The following GRIP1 variants were observed in gnomAD, a reference collection of about 807,000 sequenced individuals.
GRIP1 encodes the protein glutamate receptor interacting protein 1.
Under a neutral mutation model 129.9 loss-of-function variants are expected in GRIP1, and 45 were observed. That is an observed-to-expected ratio of 0.35 (90% CI 0.27 to 0.44). The LOEUF is 0.44. Ranked by LOEUF, GRIP1 falls within the 20% of genes least tolerant of loss-of-function variation. The pLI is 1.00. For synonymous variants in GRIP1, 530 were observed against 520.8 expected, an observed-to-expected ratio of 1.02 and a Z score of -0.24; for missense variants, 1,196 against 1,396.8, an observed-to-expected ratio of 0.86 and a Z score of 2.29.
At chr12:66,399,555 T>C (rs1285744185) in intron 16 of GRIP1, among the ~76,000 whole-genome samples, 1 of 151,984 alleles carries the variant, frequency 6.6e-6, no homozygotes, top group Non-Finnish European at 1.5e-5. Flanking sequence ...TTACAACGAT[T>C]AGTGAAAGAC....
intron 1 of GRIP1, among the ~76,000 whole-genome samples, chr12:66,692,354 T>G (rs543908691): frequency 1.3e-5 from 2 of 152,152 alleles, no homozygotes; most frequent in South Asian, 4.2e-4. Flanking sequence ...AAACAGAAAT[T>G]TGAGTGGAGA....
At chr12:66,673,878 A>G (rs2034201474) in intron 1 of GRIP1, among the ~76,000 whole-genome samples, 1 of 152,238 alleles carries the variant, frequency 6.6e-6, no homozygotes, top group South Asian at 2.1e-4. Context: ...AACAAGACAG[A>G]CTTACTTTGT....
At chr12:66,519,536 T>C (rs2060941466) in intron 5 of GRIP1, among the ~76,000 whole-genome samples, 1 of 152,238 alleles carries the variant, frequency 6.6e-6, no homozygotes, top group Non-Finnish European at 1.5e-5. Context: ...AATTTCAATA[T>C]GTAATATCGA....
intron 1 of GRIP1, among the ~76,000 whole-genome samples, chr12:66,640,983 A>G (rs1047531496): frequency 6.6e-6 from 1 of 152,184 alleles, no homozygotes; most frequent in Non-Finnish European, 1.5e-5. Context: ...AGTGCCAATA[A>G]CTTTTTTTTT....
rs749423962 is a variant in GRIP1, at chr12:66,353,404, C to T, written c.3159+13G>A. 8 of 1,591,842 alleles carry T rather than the reference C, an allele frequency of 5.0e-6. No individual in the cohort carries two copies. In the Admixed American group the frequency reaches 8.3e-5, roughly 17 times the overall value. On this transcript the variant is annotated intron_variant, in intron 24 of 24. Transcript: ENST00000359742. The stretch of plus-strand genomic sequence containing the variant: ...TTACTTGCAAGGAATTAAAATTCCA[C>T]CTGAGGTCTTACCTGTAAGAGCCTG...
At chr12:66,721,148 C>A (rs1436076782) in intron 1 of GRIP1, among the ~76,000 whole-genome samples, 3 of 152,156 alleles carry the variant, frequency 2.0e-5, no homozygotes, top group Admixed American at 6.5e-5. Flanking sequence ...AGAGCTCTTG[C>A]ATCACGGTAC....
At chr12:67,046,932 T>C (rs2043263013) in intron 1 of GRIP1, among the ~76,000 whole-genome samples, 1 of 152,222 alleles carries the variant, frequency 6.6e-6, no homozygotes, top group Non-Finnish European at 1.5e-5. Context: ...CTGTACTCTT[T>C]ATGGCATGTA....
chr12:66,630,599 T>C (rs1162592319), intron 1 of GRIP1, among the ~76,000 whole-genome samples: 2 of 152,210 alleles, frequency 1.3e-5, no homozygotes, highest in Non-Finnish European at 2.9e-5. Context: ...CCTGGGTGTC[T>C]TAAAGGCCAT....
Position 66,802,696 on chromosome 12 carries a change from C to G in GRIP1, c.-420+1357G>C, listed in dbSNP as rs577794217. Among the ~76,000 whole-genome samples, 3 of 152,240 alleles carry G rather than the reference C, an allele frequency of 2.0e-5. No homozygotes were observed. In the South Asian group the frequency reaches 6.2e-4, roughly 32 times the overall value. On this transcript the variant is annotated intron_variant, in intron 1 of 4. Coordinates refer to the GRIP1 transcript ENST00000538373. ...ATATATTGACTGCAAAAAATCTGTACAATGTCTACCAGTCTAATTAAAAGT... is the reference window on the plus strand; with the variant it reads ...ATATATTGACTGCAAAAAATCTGTAGAATGTCTACCAGTCTAATTAAAAGT...
chr12:66,470,157 T>G (rs1357219751), intron 7 of GRIP1, among the ~76,000 whole-genome samples: 1 of 152,166 alleles, frequency 6.6e-6, no homozygotes, highest in Non-Finnish European at 1.5e-5. Flanking sequence ...TCCTTTAAAT[T>G]GAATATCTCA....
chr12:67,041,149 C>G (rs1592504065), intron 1 of GRIP1, among the ~76,000 whole-genome samples: 1 of 152,220 alleles, frequency 6.6e-6, no homozygotes, highest in South Asian at 2.1e-4. Context: ...AAATCAATCT[C>G]TCTCTTTCTC....
intron 1 of GRIP1, among the ~76,000 whole-genome samples, chr12:66,698,055 T>C (rs142770626): frequency 7.5e-4 from 114 of 152,274 alleles, no homozygotes; most frequent in Middle Eastern, 3.4e-3. Flanking sequence ...CCTATATTTG[T>C]AGAAAGCAAT....
intron 1 of GRIP1, among the ~76,000 whole-genome samples, chr12:66,709,264 T>G (rs2035635569): frequency 6.6e-6 from 1 of 151,950 alleles, no homozygotes; most frequent in Non-Finnish European, 1.5e-5. Context: ...CTCAGTGTGT[T>G]TTTATCAGTA....
intron 1 of GRIP1, among the ~76,000 whole-genome samples, chr12:66,597,229 T>C (rs138489513): frequency 7.5e-4 from 115 of 152,332 alleles, no homozygotes; most frequent in South Asian, 2.3e-3. Context: ...AAATATAGTA[T>C]ACAAATTATT....
chr12:66,826,075 T>C (rs796676998), intron 1 of GRIP1, among the ~76,000 whole-genome samples: 6 of 152,230 alleles, frequency 3.9e-5, no homozygotes, highest in African/African-American at 1.4e-4. Flanking sequence ...CCATCAATGA[T>C]AGTCTGGATA....
At chr12:66,630,283 A>C (rs979414780) in intron 1 of GRIP1, 1 of 152,022 alleles carries the variant, frequency 6.6e-6, no homozygotes, top group Non-Finnish European at 1.5e-5. Flanking sequence ...TGGGAGGCAG[A>C]GGTTGAACCA....
chr12:66,566,660 C>G (rs1173868592), intron 2 of GRIP1, among the ~76,000 whole-genome samples: 1 of 152,156 alleles, frequency 6.6e-6, no homozygotes, highest in African/African-American at 2.4e-5. Flanking sequence ...GGAGGATTCC[C>G]TCTTTTTCTA....
rs2060893350 is a variant in GRIP1, at chr12:66,517,909, A to G, written c.570T>C (p.Pro190=). 2.0e-6 allele frequency: 3 copies of G among 1,531,202 alleles called. No individual in the cohort carries two copies. Among genetic ancestry groups the G allele is most frequent in the Non-Finnish European group, 2.7e-6 (3 of 1,104,550 alleles). 94.9% of individuals were successfully genotyped at this position (1,531,202 alleles called of 1,614,324 possible). Residue 190 remains proline, a synonymous_variant, in exon 6 of 25, where the codon CCT becomes CCC. Transcript: ENST00000359742. ...VVITCVRPGG[P]ADREGTIKPG... ...AGAAAGATAAAGTTTACCTGTCAGC[A>G]GGCCCTCCAGGACGAACACATGTTA...
At chr12:66,745,364 G>A (rs1401957262) in intron 1 of GRIP1, among the ~76,000 whole-genome samples, 2 of 152,100 alleles carry the variant, frequency 1.3e-5, no homozygotes, top group Non-Finnish European at 2.9e-5. Flanking sequence ...AAATAAATTA[G>A]AACCCACATA....
Sources: gnomAD v4.1 joint callset for allele counts (sites outside exome capture counted in the v4.1 genomes callset) on GRCh38, gnomAD v4.1.1 for gene constraint, MANE v1.5 for transcripts, NCBI Gene and HGNC (gene_info 2026-07-23, HGNC 2026-07-21) for gene names.